CACNG5: variants seen among roughly 807,000 people sequenced by gnomAD.
CACNG5 encodes voltage-dependent calcium channel gamma-5 subunit.
CACNG5 carries 18 observed loss-of-function variants against 24.8 expected under a neutral mutation model. That is an observed-to-expected ratio of 0.73 (90% CI 0.50 to 1.08). The LOEUF is 1.08. CACNG5 is among the 50% of genes least tolerant of loss of function. The pLI, the probability that CACNG5 is intolerant of heterozygous loss-of-function variation, is 0.00. For missense variants in CACNG5, 349 were observed against 367.9 expected, an observed-to-expected ratio of 0.95 and a Z score of 0.42; for synonymous variants, 157 against 149.1, an observed-to-expected ratio of 1.05 and a Z score of -0.39.
In CACNG5 at chr17:66,890,110, C is replaced by T. The variant is rs1382710771; in HGVS notation, c.*4870C>T. On this transcript the variant is annotated 3_prime_UTR_variant, in exon 6 of 6. Transcript: ENST00000533854. ...CGTGTGACACTTGGAAGTTAACCTGCCTTTGGAACACAGCACTCTGCCTAG... is the reference window on the plus strand; with the variant it reads ...CGTGTGACACTTGGAAGTTAACCTGTCTTTGGAACACAGCACTCTGCCTAG... Among the ~76,000 whole-genome samples the T allele has an allele frequency of 6.6e-6, 1 of 152,200 alleles. No individual in the cohort carries two copies. The highest frequency in any genetic ancestry group is 6.5e-5 in the Admixed American group (1 of 15,278).
intron 1 of CACNG5, among the ~76,000 whole-genome samples, chr17:66,841,575 G>A (rs934232790): frequency 6.6e-5 from 10 of 152,120 alleles, no homozygotes; most frequent in African/African-American, 1.7e-4. Context: ...ACTGCCCTAG[G>A]CAAGGAGAGC....
intron 1 of CACNG5, among the ~76,000 whole-genome samples, chr17:66,876,518 C>A (rs1367736276): frequency 6.6e-6 from 1 of 152,252 alleles, no homozygotes; most frequent in Non-Finnish European, 1.5e-5. Flanking sequence ...TCATTGCTGG[C>A]CCCTGCCGAT....
chr17:66,877,956 T>C (rs1255921516), intron 2 of CACNG5, among the ~76,000 whole-genome samples: 2 of 152,120 alleles, frequency 1.3e-5, no homozygotes, highest in Non-Finnish European at 2.9e-5. Flanking sequence ...TTCAAAGAGG[T>C]TAAGTCTCCT....
chr17:66,862,389 A>G (rs1302722416), intron 1 of CACNG5, among the ~76,000 whole-genome samples: 1 of 151,672 alleles, frequency 6.6e-6, no homozygotes, highest in Non-Finnish European at 1.5e-5. Context: ...GTCACAATCC[A>G]GCTTGTGTCA....
At position 66,851,507 on chromosome 17, in the gene CACNG5, TAGA is replaced by T. The variant is rs764541543; in HGVS notation, c.-104+16259_-104+16261del. On this transcript the variant is annotated intron_variant, in intron 1 of 5. Transcript: ENST00000533854. The stretch of plus-strand genomic sequence containing the variant: ...AATTAGCATTTCAAAAACATGGTTG[TAGA>T]ACAGTGTGGAAAAGTCTATAAAATA... Among the ~76,000 whole-genome samples the T allele has an allele frequency of 3.7e-4, 57 of 152,338 alleles. 1 individual carries two copies. Among genetic ancestry groups the T allele is most frequent in the Non-Finnish European group, 6.2e-4 (42 of 68,036 alleles).
At chr17:66,880,778 G>A (rs566060312) in intron 4 of CACNG5, 81 bp downstream of exon 4, 2 of 1,517,822 alleles carry the variant, frequency 1.3e-6, no homozygotes, top group African/African-American at 2.8e-5. Context: ...GTCTTGCTCT[G>A]GCACCCACGC....
Position 66,884,654 on chromosome 17 carries a change from TA to T in CACNG5, c.565del (p.Thr189ArgfsTer6). 1 of 1,614,156 alleles carries T rather than the reference TA, an allele frequency of 6.2e-7. No individual in the cohort carries two copies. On this transcript the variant is annotated frameshift_variant, in exon 5 of 6. Coordinates refer to ENST00000533854, the MANE Select transcript of CACNG5 (RefSeq NM_145811.3). LOFTEE classifies it high-confidence loss of function. ...SFAFAAISFLLTESAGVMSVY... is the reference protein window; with the variant it reads ...SFAFAAISFLXTESAGVMSVY... ...GCCTTCGCCGCCATCTCCTTCCTTT[TA>T]ACGGAGGTAAAGCCCGTCACCCTAA...
intron 1 of CACNG5, among the ~76,000 whole-genome samples, chr17:66,870,996 A>G (rs1259131142): frequency 6.6e-6 from 1 of 151,352 alleles, no homozygotes; most frequent in East Asian, 1.9e-4. Flanking sequence ...AAAAAAAGTC[A>G]CATAGCATCA....
Position 66,893,938 on chromosome 17 carries a change from A to G in CACNG5, c.*8698A>G, listed in dbSNP as rs953284258. Reference sequence around the variant, plus strand: ...TTAAATTAAGTCTGTCTGAGCCCCTATTCACCTGGGTGGTGAGAAATTCAG... The same window carrying G: ...TTAAATTAAGTCTGTCTGAGCCCCTGTTCACCTGGGTGGTGAGAAATTCAG... On this transcript the variant is annotated 3_prime_UTR_variant, in exon 6 of 6. Transcript: ENST00000533854. Among the ~76,000 whole-genome samples, 1 of 152,154 alleles carries G rather than the reference A, an allele frequency of 6.6e-6. No individual in the cohort carries two copies. Among genetic ancestry groups the G allele is most frequent in the Admixed American group, 6.5e-5 (1 of 15,270 alleles).
chr17:66,840,887 TGAGTAA>T (rs1435999944), intron 1 of CACNG5, among the ~76,000 whole-genome samples: 6 of 152,202 alleles, frequency 3.9e-5, no homozygotes, highest in African/African-American at 1.4e-4. Context: ...GTTTGATCCC[TGAGTAA>T]GTGGCTATCG....
At position 66,894,446 on chromosome 17, in the gene CACNG5, T is replaced by C. The variant is rs1272835699; in HGVS notation, c.*9206T>C. On this transcript the variant is annotated 3_prime_UTR_variant, in exon 6 of 6. Coordinates refer to ENST00000533854, the MANE Select transcript of CACNG5 (RefSeq NM_145811.3). ...TTATTGCTACTGTTTCTTTAGCACC[T>C]ACTATATAACAGCTTCTGTCCTGGG... Among the ~76,000 whole-genome samples, 2 of 152,188 alleles carry C rather than the reference T, an allele frequency of 1.3e-5. No homozygotes were observed. The highest frequency in any genetic ancestry group is 1.3e-4 in the Admixed American group (2 of 15,270).
intron 4 of CACNG5, among the ~76,000 whole-genome samples, chr17:66,884,140 G>GAAAAAAAAA (rs67618988): frequency 2.9e-5 from 3 of 104,100 alleles, no homozygotes; most frequent in African/African-American, 6.3e-5. Flanking sequence ...CTCAAAAAAA[G>GAAAAAAAAA]AAAAAAAAAA....
At chr17:66,857,610 C>A (rs1304985327) in intron 1 of CACNG5, among the ~76,000 whole-genome samples, 1 of 152,040 alleles carries the variant, frequency 6.6e-6, no homozygotes, top group Non-Finnish European at 1.5e-5. Flanking sequence ...TCATACTTAC[C>A]GCATGTCTCA....
intron 1 of CACNG5, among the ~76,000 whole-genome samples, chr17:66,841,706 G>T (rs530990298): frequency 1.1e-4 from 17 of 152,174 alleles, no homozygotes; most frequent in African/African-American, 4.1e-4. Context: ...GACTCAGTGC[G>T]TGAGCTTAGA....
chr17:66,849,816 G>GCA (rs1056603799), intron 1 of CACNG5, among the ~76,000 whole-genome samples: 7 of 152,296 alleles, frequency 4.6e-5, no homozygotes, highest in Admixed American at 2.0e-4. Flanking sequence ...CAATGGAGGC[G>GCA]CACACACCTC....
chr17:66,839,355 C>T (rs911527932), intron 1 of CACNG5, among the ~76,000 whole-genome samples: 1 of 152,038 alleles, frequency 6.6e-6, no homozygotes, highest in Non-Finnish European at 1.5e-5. Flanking sequence ...ACTGGGGATA[C>T]AGCTAGAAAG....
chr17:66,876,460 G>A (rs1377776016), intron 1 of CACNG5, among the ~76,000 whole-genome samples: 1 of 152,184 alleles, frequency 6.6e-6, no homozygotes, highest in Non-Finnish European at 1.5e-5. Context: ...TCAGCAGGTG[G>A]GGCTTGTGGT....
rs1302898245 is a variant in CACNG5 at position 66,876,989 on chromosome 17, G to GAAT, written c.-103-240_-103-238dup. Among the ~76,000 whole-genome samples, 3 of 151,542 alleles carry GAAT rather than the reference G, an allele frequency of 2.0e-5. No individual in the cohort carries two copies. The East Asian group carries it at 5.8e-4, about 29-fold the overall frequency. On this transcript the variant is annotated intron_variant, in intron 1 of 5. Coordinates refer to ENST00000533854, the MANE Select transcript of CACNG5 (RefSeq NM_145811.3). The stretch of plus-strand genomic sequence containing the variant: ...TGGCACAATGGGTTGCTGAATGAAT[G>GAAT]AATGAATGAATGAATGAATGAATGA...
In CACNG5 at chr17:66,848,228, C is replaced by T. The variant is rs1052960955; in HGVS notation, c.-104+12978C>T. ...CCCACTCTGAATCCTTCCTGAGGGA[C>T]GTTGCTCCATTTCTGGGTATCCCTG... On this transcript the variant is annotated intron_variant, in intron 1 of 5. Transcript: ENST00000533854. Among the ~76,000 whole-genome samples the T allele has an allele frequency of 1.7e-3, 264 of 152,330 alleles. 3 individuals are homozygous for T. The highest frequency in any genetic ancestry group is 5.8e-3 in the African/African-American group (243 of 41,580).
Sources: gnomAD v4.1 joint callset for allele counts (sites outside exome capture counted in the v4.1 genomes callset) on GRCh38, gnomAD v4.1.1 for gene constraint, MANE v1.5 for transcripts, NCBI Gene and HGNC (gene_info 2026-07-23, HGNC 2026-07-21) for gene names.